RSF1: variants seen among roughly 807,000 people sequenced by gnomAD.
RSF1 encodes the protein HBV pX-associated protein 8.
Under a neutral mutation model 145.2 loss-of-function variants are expected in RSF1, and 13 were observed. The ratio of observed to expected loss-of-function variants is 0.09; its 90% CI spans 0.06 to 0.14. The LOEUF is 0.14. RSF1 is among the 10% of genes least tolerant of loss of function. RSF1 has a pLI of 1.00. For synonymous variants in RSF1, 577 were observed against 592.6 expected (o/e 0.97, Z 0.38); for missense variants, 1,517 against 1,718.2 (o/e 0.88, Z 2.07).
rs140818149 is a variant in RSF1 at position 77,745,540 on chromosome 11, T to C, written c.372+1496A>G. Among the ~76,000 whole-genome samples, 4 of 152,010 alleles carry C rather than the reference T, an allele frequency of 2.6e-5. No homozygotes were observed. The East Asian group carries it at 7.7e-4, about 29-fold the overall frequency. ...TTTTAACATGTTGGTTATTCAGTAG[T>C]CATGGTATAAAACTTTCAATAATTC... is the stretch of plus-strand genomic sequence containing the variant. On this transcript the variant is annotated intron_variant, in intron 3 of 15. Coordinates refer to ENST00000308488, the MANE Select transcript of RSF1 (RefSeq NM_016578.4).
intron 4 of RSF1, among the ~76,000 whole-genome samples, chr11:77,727,097 T>C (rs1019747580): frequency 1.3e-5 from 2 of 152,232 alleles, no homozygotes; most frequent in African/African-American, 4.8e-5. Context: ...ATTTTAATTA[T>C]CTAATATCAA....
chr11:77,679,858 T>C (rs1349892075), intron 11 of RSF1, among the ~76,000 whole-genome samples: 2 of 152,166 alleles, frequency 1.3e-5, no homozygotes, highest in African/African-American at 4.8e-5. Flanking sequence ...ATTCCTAAGA[T>C]TTCTTCACAT....
the RSF1 span, among the ~76,000 whole-genome samples, chr11:77,870,481 C>T: frequency 1.3e-5 from 2 of 151,414 alleles, no homozygotes; most frequent in African/African-American, 4.9e-5. Flanking sequence ...GGACTACAGG[C>T]GCCCACCACC....
At chr11:77,764,963 G>A (rs1325713334) in intron 1 of RSF1, among the ~76,000 whole-genome samples, 1 of 152,034 alleles carries the variant, frequency 6.6e-6, no homozygotes, top group African/African-American at 2.4e-5. Context: ...ATGAACTTTG[G>A]TGATAATTAT....
intron 1 of RSF1, among the ~76,000 whole-genome samples, chr11:77,800,292 G>A (rs1384025614): frequency 6.6e-6 from 1 of 152,046 alleles, no homozygotes; most frequent in Non-Finnish European, 1.5e-5. Context: ...AGGAGTTGGA[G>A]ACCAGCCTGA....
chr11:77,742,423 G>A (rs1223987057), intron 3 of RSF1, among the ~76,000 whole-genome samples: 3 of 152,118 alleles, frequency 2.0e-5, no homozygotes, highest in African/African-American at 7.2e-5. Flanking sequence ...GGGACTACAG[G>A]GGCGTGCCAC....
intron 4 of RSF1, among the ~76,000 whole-genome samples, chr11:77,738,447 T>C (rs970888670): frequency 9.2e-5 from 14 of 152,124 alleles, no homozygotes; most frequent in African/African-American, 3.4e-4. Flanking sequence ...GTATTATAAG[T>C]ATATGGGAGG....
the RSF1 span, among the ~76,000 whole-genome samples, chr11:77,837,591 A>G: frequency 1.3e-5 from 2 of 150,982 alleles, no homozygotes; most frequent in Admixed American, 1.3e-4. Flanking sequence ...GTGCATCACT[A>G]CGCCCGGCTA....
At chr11:77,734,884 G>A (rs1280702506) in intron 4 of RSF1, 1 of 1,581,096 alleles carries the variant, frequency 6.3e-7, no homozygotes, top group African/African-American at 1.3e-5. Flanking sequence ...GTTCTTCAAA[G>A]CCACATCATC....
At chr11:77,825,418 T>A (rs1949123017), upstream of RSF1, among the ~76,000 whole-genome samples, 2 of 152,276 alleles carry the variant, frequency 1.3e-5, no homozygotes, top group South Asian at 4.1e-4. Context: ...TTAAAAAAGC[T>A]AAAACAAGCT....
chr11:77,700,872 G>T lies in RSF1; in HGVS notation c.2357C>A (p.Ala786Glu). ...RRSPRISRPT[A>E]KVAEIRDQKA... ...CTGATCTCTGATCTCAGCCACTTTT[G>T]CAGTGGGTCTAGATATTCTTGGAGA... Residue 786 changes from alanine to glutamate, a missense_variant, in exon 6 of 16, where the codon GCA (alanine) becomes GAA (glutamate). Transcript: ENST00000308488. The T allele has an allele frequency of 1.2e-6, 2 of 1,613,280 alleles. No homozygotes were observed. Among genetic ancestry groups the T allele is most frequent in the Non-Finnish European group, 8.5e-7 (1 of 1,179,928 alleles).
At chr11:77,691,132 A>G (rs1960140572) in intron 9 of RSF1, 27 bp downstream of exon 9, 1 of 1,598,428 alleles carries the variant, frequency 6.3e-7, no homozygotes, top group African/African-American at 1.3e-5. Flanking sequence ...ATTCCCAAAC[A>G]AAACATTAAC....
At chr11:77,857,319 C>G in the RSF1 span, among the ~76,000 whole-genome samples, 345 of 152,142 alleles carry the variant, frequency 2.3e-3, no homozygotes, top group African/African-American at 7.9e-3. Flanking sequence ...GAGAAGTTTC[C>G]CAGGTAAACA....
At chr11:77,765,213 T>A (rs1948213562) in intron 1 of RSF1, among the ~76,000 whole-genome samples, 1 of 152,188 alleles carries the variant, frequency 6.6e-6, no homozygotes, top group Non-Finnish European at 1.5e-5. Context: ...AACAAATATT[T>A]GGTTCCTTTA....
intron 1 of RSF1, among the ~76,000 whole-genome samples, chr11:77,792,862 C>A (rs1948534073): frequency 6.6e-6 from 1 of 151,902 alleles, no homozygotes; most frequent in South Asian, 2.1e-4. Context: ...GAATTCATTA[C>A]CATTAGACCA....
rs112615440 is a variant in RSF1 at position 77,813,305 on chromosome 11, T to C, written c.187+7223A>G. 4,702 of 769,994 alleles carry C rather than the reference T, an allele frequency of 6.1e-3. 125 individuals are homozygous for C. The highest frequency in any genetic ancestry group is 0.06 in the African/African-American group (3,519 of 58,282). The allele number at this position is 769,994 out of a possible 1,614,324, so 47.7% of individuals were successfully genotyped here. A position where few individuals can be genotyped will look rare whatever the true frequency, so the allele number is the denominator to read the frequency against. The stretch of plus-strand genomic sequence containing the variant: ...TTTTTAACAACTGGTAATCAATTTA[T>C]TAAAATAGTTGACTTAAGCATCTGC... On this transcript the variant is annotated intron_variant, in intron 1 of 15. Transcript: ENST00000308488.
At chr11:77,862,009 A>T in the RSF1 span, among the ~76,000 whole-genome samples, 3 of 152,324 alleles carry the variant, frequency 2.0e-5, no homozygotes, top group East Asian at 5.8e-4. Flanking sequence ...TAGTCTCTCC[A>T]GAAAGGCGGT....
intron 1 of RSF1, among the ~76,000 whole-genome samples, chr11:77,805,822 C>G (rs568307886): frequency 3.2e-4 from 49 of 152,254 alleles, no homozygotes; most frequent in African/African-American, 1.2e-3. Context: ...ACTAGAAAGT[C>G]ACATATTTTC....
intron 13 of RSF1, among the ~76,000 whole-genome samples, chr11:77,676,241 A>G (rs1043749318): frequency 1.3e-5 from 2 of 151,046 alleles, no homozygotes; most frequent in African/African-American, 4.9e-5. Context: ...AGCCTAATTT[A>G]TCTTTCCCTG....
Sources: gnomAD v4.1 joint callset for allele counts (sites outside exome capture counted in the v4.1 genomes callset) on GRCh38, gnomAD v4.1.1 for gene constraint, MANE v1.5 for transcripts, NCBI Gene and HGNC (gene_info 2026-07-23, HGNC 2026-07-21) for gene names.